HS6ST2: variants seen among roughly 807,000 people sequenced by gnomAD.
HS6ST2 encodes heparan-sulfate 6-O-sulfotransferase 2.
In HS6ST2, 17 loss-of-function variants were observed where a neutral mutation model predicts 33.0. The ratio of observed to expected loss-of-function variants is 0.52; its 90% confidence interval spans 0.35 to 0.77. The LOEUF is 0.77. HS6ST2 is among the 30% of genes least tolerant of loss of function. The pLI is 0.01. For synonymous variants in HS6ST2, 248 were observed against 237.1 expected (o/e 1.05, Z -0.42); for missense variants, 519 against 551.7 (o/e 0.94, Z 0.59).
At chrX:132,837,037 GGTTTACTTGA>G (rs1434381191) in intron 2 of HS6ST2, among the ~76,000 whole-genome samples, 2 of 111,990 alleles carry the variant, frequency 1.8e-5, no homozygotes, top group Non-Finnish European at 3.8e-5. Context: ...AGAGCAAAGA[GGTTTACTTGA>G]GCCGTGAGGT....
intron 2 of HS6ST2, among the ~76,000 whole-genome samples, chrX:132,746,953 CAA>C (rs1400064702): frequency 7.1e-5 from 8 of 112,090 alleles, no homozygotes; most frequent in African/African-American, 1.9e-4. Flanking sequence ...ACCGAGGAAA[CAA>C]GAGTCAAACT....
intron 4 of HS6ST2, among the ~76,000 whole-genome samples, chrX:132,629,378 G>A (rs1438658888): frequency 9.0e-6 from 1 of 111,049 alleles, no homozygotes; most frequent in Non-Finnish European, 1.9e-5. Context: ...ACTCCCGTTC[G>A]TTCCCCCTTC....
intron 4 of HS6ST2, among the ~76,000 whole-genome samples, chrX:132,663,002 A>G (rs1209593804): frequency 4.5e-5 from 5 of 111,606 alleles, no homozygotes; most frequent in Non-Finnish European, 9.4e-5. Flanking sequence ...TCACTAGTTG[A>G]CATTTATTGA....
chrX:132,666,277 G>A (rs185345973), intron 4 of HS6ST2, among the ~76,000 whole-genome samples: 3 of 111,447 alleles, frequency 2.7e-5, no homozygotes, highest in African/African-American at 9.8e-5. Context: ...GCTAGGGATT[G>A]TAGCACTTAA....
chrX:132,781,142 G>A (rs1355499139), intron 2 of HS6ST2, among the ~76,000 whole-genome samples: 1 of 111,929 alleles, frequency 8.9e-6, no homozygotes, highest in Non-Finnish European at 1.9e-5. Flanking sequence ...TTTTCTGTTG[G>A]GTCAGTGATG....
At chrX:132,946,301 T>C (rs762830659) in intron 2 of HS6ST2, among the ~76,000 whole-genome samples, 1 of 112,272 alleles carries the variant, frequency 8.9e-6, no homozygotes, top group East Asian at 2.8e-4. Context: ...TAAATCATGC[T>C]GCTATAAAGA....
At chrX:132,926,897 T>G (rs780785486) in intron 2 of HS6ST2, among the ~76,000 whole-genome samples, 3 of 111,359 alleles carry the variant, frequency 2.7e-5, no homozygotes, top group Non-Finnish European at 3.8e-5. Flanking sequence ...CACTCCAGCT[T>G]GGGTGACGGA....
At chrX:132,728,607 G>A (rs1423061215) in intron 2 of HS6ST2, among the ~76,000 whole-genome samples, 1 of 111,969 alleles carries the variant, frequency 8.9e-6, no homozygotes, top group Non-Finnish European at 1.9e-5. Flanking sequence ...GAACATTCTC[G>A]GCTATAAGAG....
intron 3 of HS6ST2, among the ~76,000 whole-genome samples, chrX:132,670,671 G>A (rs1602563855): frequency 1.8e-5 from 2 of 112,007 alleles, no homozygotes. Context: ...AATTACCCAG[G>A]GCATGGTGGC....
At chrX:132,959,814 C>T (rs1229482846), upstream of HS6ST2, among the ~76,000 whole-genome samples, 1 of 112,045 alleles carries the variant, frequency 8.9e-6, no homozygotes, top group African/African-American at 3.3e-5. Flanking sequence ...TTAGGCCACT[C>T]CAAATGTGAG....
chrX:132,722,412 T>C (rs1290000821), intron 2 of HS6ST2, among the ~76,000 whole-genome samples: 1 of 111,624 alleles, frequency 9.0e-6, no homozygotes, highest in East Asian at 2.8e-4. Flanking sequence ...AGTTAAAAGC[T>C]TTCAGGTATG....
At chrX:132,676,130 C>CA (rs1400437856) in intron 3 of HS6ST2, among the ~76,000 whole-genome samples, 1 of 112,411 alleles carries the variant, frequency 8.9e-6, no homozygotes, top group African/African-American at 3.2e-5. Context: ...CTCTGGGTCT[C>CA]AGTTTCCTAT....
intron 3 of HS6ST2, among the ~76,000 whole-genome samples, chrX:132,673,188 C>T (rs755215913): frequency 8.9e-6 from 1 of 112,253 alleles, no homozygotes; most frequent in Non-Finnish European, 1.9e-5. Context: ...ATGTGGTGCT[C>T]GTAGTGTTGC....
intron 2 of HS6ST2, among the ~76,000 whole-genome samples, chrX:132,723,498 G>T (rs1180214592): frequency 1.8e-5 from 2 of 112,023 alleles, no homozygotes; most frequent in African/African-American, 6.5e-5. Flanking sequence ...AATATCCTGT[G>T]GATGCTAGAA....
intron 2 of HS6ST2, among the ~76,000 whole-genome samples, chrX:132,917,313 T>C (rs1332886092): frequency 8.9e-6 from 1 of 112,013 alleles, no homozygotes; most frequent in African/African-American, 3.2e-5. Flanking sequence ...CATGACCATG[T>C]TGAGGCTGGG....
intron 2 of HS6ST2, among the ~76,000 whole-genome samples, chrX:132,956,548 TC>T (rs2067073791): frequency 9.0e-6 from 1 of 111,538 alleles, no homozygotes; most frequent in African/African-American, 3.3e-5. Context: ...CTCGGCCGCC[TC>T]CCCCGCACGC....
Position 132,867,196 on chromosome X carries a change from T to C in HS6ST2, c.947+89612A>G, listed in dbSNP as rs756875355. Among the ~76,000 whole-genome samples the C allele has an allele frequency of 1.1e-4, 12 of 106,856 alleles. No individual in the cohort carries two copies. In the East Asian group the frequency reaches 3.5e-3, roughly 31 times the overall value. The allele number at this position is 106,856 out of a possible 115,157, so 92.8% of individuals were successfully genotyped here. A position where few individuals can be genotyped will look rare whatever the true frequency, so the allele number is the denominator to read the frequency against. ...TGAGAGTTTTTAGCATGAAGGGTTG[T>C]TGAATTTTGTCAAAGGCCTTTTCTG... is the stretch of plus-strand genomic sequence containing the variant. On this transcript the variant is annotated intron_variant, in intron 2 of 4. Coordinates refer to ENST00000370833, the MANE Select transcript of HS6ST2 (RefSeq NM_001394073.1).
chrX:132,871,027 A>C (rs1051864287), intron 2 of HS6ST2, among the ~76,000 whole-genome samples: 1 of 111,827 alleles, frequency 8.9e-6, no homozygotes, highest in Admixed American at 9.5e-5. Flanking sequence ...CAATCTACCC[A>C]TCTGACAAAG....
At chrX:132,690,056 C>T (rs775803972) in intron 3 of HS6ST2, among the ~76,000 whole-genome samples, 1 of 111,957 alleles carries the variant, frequency 8.9e-6, no homozygotes, top group African/African-American at 3.2e-5. Context: ...TTCAGAGTTG[C>T]AGACTCTGCT....
Sources: gnomAD v4.1 joint callset for allele counts (sites outside exome capture counted in the v4.1 genomes callset) on GRCh38, gnomAD v4.1.1 for gene constraint, MANE v1.5 for transcripts, NCBI Gene and HGNC (gene_info 2026-07-23, HGNC 2026-07-21) for gene names.